Variants in ESR1 observed in about 807,000 individuals in gnomAD.
ESR1 encodes estrogen receptor.
A neutral mutation model predicts 52.7 loss-of-function variants in ESR1; 12 were observed. The observed-to-expected ratio is 0.23, with a 90% CI of 0.15 to 0.37. The LOEUF (loss-of-function observed/expected upper bound fraction) is 0.37. Ranked by LOEUF, ESR1 falls within the 10% of genes least tolerant of loss-of-function variation. ESR1 has a pLI of 1.00. For missense variants in ESR1, 584 were observed against 779.7 expected, an observed-to-expected ratio of 0.75 and a Z score of 2.99; for synonymous variants, 305 against 316.8, an observed-to-expected ratio of 0.96 and a Z score of 0.39.
chr6:151,781,310 A>T (rs1448238535), intron 2 of ESR1, among the ~76,000 whole-genome samples: 1 of 152,202 alleles, frequency 6.6e-6, no homozygotes, highest in African/African-American at 2.4e-5. Flanking sequence ...GGCCTTCTGG[A>T]TGTGTCTACA....
chr6:151,732,184 T>G (rs1239351512), intron 2 of ESR1, among the ~76,000 whole-genome samples: 1 of 152,354 alleles, frequency 6.6e-6, no homozygotes, highest in East Asian at 1.9e-4. Context: ...GAGAACATTT[T>G]TATTTCAATT....
intron 4 of ESR1, among the ~76,000 whole-genome samples, chr6:151,952,352 A>G (rs1156281078): frequency 6.6e-6 from 1 of 152,096 alleles, no homozygotes; most frequent in Non-Finnish European, 1.5e-5. Context: ...TTTGATTTCT[A>G]CTTTCCAATA....
chr6:151,881,282 C>A (rs1239863747), intron 3 of ESR1, among the ~76,000 whole-genome samples: 1 of 152,154 alleles, frequency 6.6e-6, no homozygotes, highest in Non-Finnish European at 1.5e-5. Context: ...GTGAACCAGC[C>A]ACTTTCTTAA....
At chr6:151,808,567 G>T in intron 1 of ESR1, among the ~76,000 whole-genome samples, 1 of 152,150 alleles carries the variant, frequency 6.6e-6, no homozygotes, top group Non-Finnish European at 1.5e-5. Flanking sequence ...AAGTTCTCTC[G>T]CCGGGCAGCT....
At chr6:151,713,049 G>C (rs892988011) in intron 2 of ESR1, among the ~76,000 whole-genome samples, 19 of 152,204 alleles carry the variant, frequency 1.2e-4, no homozygotes, top group Non-Finnish European at 2.4e-4. Context: ...TAGCACGAAG[G>C]GGTGTTGAAT....
chr6:152,079,896 T>C (rs182656034), intron 6 of ESR1, among the ~76,000 whole-genome samples: 1 of 152,086 alleles, frequency 6.6e-6, no homozygotes, highest in Non-Finnish European at 1.5e-5. Flanking sequence ...ATATCAGTGA[T>C]TGAAGATCAA....
At chr6:152,041,007 C>T (rs2045749095) in intron 5 of ESR1, among the ~76,000 whole-genome samples, 2 of 152,190 alleles carry the variant, frequency 1.3e-5, no homozygotes, top group Non-Finnish European at 1.5e-5. Context: ...CAAAAAGCAT[C>T]TAGTTCATGA....
intron 2 of ESR1, among the ~76,000 whole-genome samples, chr6:151,704,076 A>T (rs892680833): frequency 6.6e-6 from 1 of 152,254 alleles, no homozygotes; most frequent in Admixed American, 6.5e-5. Flanking sequence ...TTAATATTAA[A>T]ATTTGATCTT....
intron 4 of ESR1, among the ~76,000 whole-genome samples, chr6:151,976,517 A>G (rs539213061): frequency 6.6e-6 from 1 of 152,020 alleles, no homozygotes; most frequent in African/African-American, 2.4e-5. Context: ...TAGAGGTTCT[A>G]TGTGTCTGGA....
chr6:151,856,431 G>C (rs1382745835), intron 2 of ESR1, among the ~76,000 whole-genome samples: 2 of 152,126 alleles, frequency 1.3e-5, no homozygotes, highest in Non-Finnish European at 2.9e-5. Context: ...AATGGCTAGA[G>C]ACTTTTGCTT....
At chr6:151,887,769 G>A (rs1322798447) in intron 3 of ESR1, among the ~76,000 whole-genome samples, 1 of 152,036 alleles carries the variant, frequency 6.6e-6, no homozygotes, top group Non-Finnish European at 1.5e-5. Context: ...TCCCTATAAG[G>A]ACCATGTTCT....
At chr6:151,745,683 C>T (rs1783429694) in intron 2 of ESR1, among the ~76,000 whole-genome samples, 2 of 151,980 alleles carry the variant, frequency 1.3e-5, no homozygotes, top group African/African-American at 4.8e-5. Flanking sequence ...CAAACTTTAC[C>T]AGAGACTTTT....
chr6:152,118,630 G>T (rs374368530), intron 6 of ESR1, among the ~76,000 whole-genome samples: 36 of 151,738 alleles, frequency 2.4e-4, no homozygotes, highest in African/African-American at 8.0e-4. Flanking sequence ...GGGGGCAAGG[G>T]GAGGGAGAGC....
intron 2 of ESR1, among the ~76,000 whole-genome samples, chr6:151,783,075 A>G (rs891797923): frequency 1.3e-5 from 2 of 152,240 alleles, no homozygotes; most frequent in Non-Finnish European, 2.9e-5. Flanking sequence ...ATACTTCCAT[A>G]GTTCCAGCAA....
At chr6:151,894,202 G>A (rs1341889638) in intron 3 of ESR1, among the ~76,000 whole-genome samples, 1 of 152,066 alleles carries the variant, frequency 6.6e-6, no homozygotes, top group Non-Finnish European at 1.5e-5. Flanking sequence ...CTTCTTTTGA[G>A]AACTGTCTAT....
chr6:151,676,003 C>G (rs544738590), intron 1 of ESR1, among the ~76,000 whole-genome samples: 1 of 152,042 alleles, frequency 6.6e-6, no homozygotes, highest in Non-Finnish European at 1.5e-5. Flanking sequence ...TAATGAGTTA[C>G]GAGGTAGAGT....
rs1287091290 is a variant in ESR1, at chr6:152,101,475, TTCATGTTAAG to T, written c.*2510_*2519del. The T allele has an allele frequency of 4.3e-6, 1 of 232,624 alleles. No individual in the cohort carries two copies. Among genetic ancestry groups the T allele is most frequent in the African/African-American group, 2.2e-5 (1 of 45,338 alleles). The allele number at this position is 232,624 out of a possible 1,614,324, so 14.4% of individuals were successfully genotyped here. ...ACATTATTCATCCAATGTGTTTCTA[TTCATGTTAAG>T]ATACTACTACATTTGAAGTGGGCAG... On this transcript the variant is annotated 3_prime_UTR_variant, in exon 8 of 8. Transcript: ENST00000206249.
chr6:152,057,535 C>A (rs1344464399), intron 5 of ESR1, among the ~76,000 whole-genome samples: 1 of 152,068 alleles, frequency 6.6e-6, no homozygotes, highest in Non-Finnish European at 1.5e-5. Flanking sequence ...CATTGCATAT[C>A]CCCCCAGAAG....
chr6:151,885,603 G>T (rs886950045), intron 3 of ESR1, among the ~76,000 whole-genome samples: 1 of 152,140 alleles, frequency 6.6e-6, no homozygotes, highest in African/African-American at 2.4e-5. Context: ...GGTGGCTTAC[G>T]CCTGTAATCC....
Sources: allele counts gnomAD v4.1 joint callset (sites outside exome capture counted in the v4.1 genomes callset), GRCh38; gene constraint gnomAD v4.1.1; transcripts MANE v1.5; gene names NCBI Gene and HGNC (gene_info 2026-07-23, HGNC 2026-07-21).